Variants in TRPM3 observed in about 807,000 individuals in gnomAD.
TRPM3 encodes the protein long transient receptor potential channel 3.
Under a neutral mutation model 181.2 loss-of-function variants are expected in TRPM3, and 77 were observed. That is an observed-to-expected ratio of 0.42 (90% CI 0.35 to 0.51). The LOEUF is 0.51. TRPM3 is among the 20% of genes least tolerant of loss of function. The pLI is 0.01. For synonymous variants in TRPM3, 745 were observed against 796.4 expected, an observed-to-expected ratio of 0.94 and a Z score of 1.09; for missense variants, 1,759 against 2,196.7, an observed-to-expected ratio of 0.80 and a Z score of 3.98.
At chr9:71,334,302 C>A (rs2090413348) in intron 1 of TRPM3, among the ~76,000 whole-genome samples, 1 of 151,646 alleles carries the variant, frequency 6.6e-6, no homozygotes, top group African/African-American at 2.4e-5. Flanking sequence ...AATAAGCAAG[C>A]AGCAGAGGAA....
At chr9:71,073,010 TC>T (rs2062978721) in intron 1 of TRPM3, among the ~76,000 whole-genome samples, 1 of 152,174 alleles carries the variant, frequency 6.6e-6, no homozygotes, top group African/African-American at 2.4e-5. Flanking sequence ...GGAGCCATCT[TC>T]CCCGGCCCCT....
intron 9 of TRPM3, among the ~76,000 whole-genome samples, chr9:70,670,289 T>TC (rs1590068205): frequency 1.3e-5 from 2 of 152,320 alleles, no homozygotes; most frequent in East Asian, 3.9e-4. Flanking sequence ...TGGTAACCAT[T>TC]CCGCAGGGTT....
At chr9:70,764,399 C>G (rs1046231303) in intron 7 of TRPM3, among the ~76,000 whole-genome samples, 1 of 152,278 alleles carries the variant, frequency 6.6e-6, no homozygotes, top group South Asian at 2.1e-4. Flanking sequence ...TTGATAACAA[C>G]TCAAAATTTG....
At chr9:71,286,962 TA>T (rs1320129511) in intron 1 of TRPM3, among the ~76,000 whole-genome samples, 6 of 90,254 alleles carry the variant, frequency 6.6e-5, no homozygotes, top group Non-Finnish European at 1.5e-4. Flanking sequence ...TTATATAAAT[TA>T]TATATAATAT....
At chr9:70,591,335 G>T in intron 21 of TRPM3, 130 bp from the exon 22 acceptor site, 1 of 717,736 alleles carries the variant, frequency 1.4e-6, no homozygotes, top group Non-Finnish European at 2.4e-6. Context: ...GGGATGTTTA[G>T]ACAGGGAGTT....
intron 9 of TRPM3, among the ~76,000 whole-genome samples, chr9:70,642,980 G>A (rs4584205): frequency 0.87 from 133,061 of 152,120 alleles, 58,323 homozygotes; most frequent in Non-Finnish European, 0.91. Flanking sequence ...TGTTCCCTTC[G>A]TAGGTTGAAG....
chr9:71,440,984 G>A (rs1234561869), intron 1 of TRPM3, among the ~76,000 whole-genome samples: 2 of 151,798 alleles, frequency 1.3e-5, no homozygotes, highest in African/African-American at 4.8e-5. Flanking sequence ...AATATCTTTG[G>A]GAATAATGAA....
At chr9:70,783,158 G>A (rs760501232) in intron 7 of TRPM3, among the ~76,000 whole-genome samples, 8 of 152,086 alleles carry the variant, frequency 5.3e-5, no homozygotes, top group Non-Finnish European at 1.0e-4. Context: ...TTAATTGTAC[G>A]TTTTTCTTTT....
At chr9:70,566,838 A>G (rs1020337216) in intron 22 of TRPM3, among the ~76,000 whole-genome samples, 2 of 152,184 alleles carry the variant, frequency 1.3e-5, no homozygotes, top group Admixed American at 6.5e-5. Flanking sequence ...CGTGCCAGGG[A>G]GGGCTCAGGT....
chr9:70,937,272 T>G (rs2133491475), intron 1 of TRPM3, among the ~76,000 whole-genome samples: 1 of 152,304 alleles, frequency 6.6e-6, no homozygotes, highest in Middle Eastern at 3.4e-3. Context: ...CATTCTATTC[T>G]CTAGTTTCCC....
At chr9:71,266,556 G>A (rs2083406430) in intron 1 of TRPM3, among the ~76,000 whole-genome samples, 1 of 152,126 alleles carries the variant, frequency 6.6e-6, no homozygotes, top group Admixed American at 6.5e-5. Flanking sequence ...AAAATGAGCA[G>A]AGGCATAAAT....
At chr9:71,100,180 A>C (rs1008548555) in intron 1 of TRPM3, among the ~76,000 whole-genome samples, 6 of 152,174 alleles carry the variant, frequency 3.9e-5, no homozygotes, top group Admixed American at 2.6e-4. Context: ...TCCATTGATT[A>C]ACAAGTAATT....
At chr9:71,310,021 C>A (rs2087764941) in intron 1 of TRPM3, among the ~76,000 whole-genome samples, 1 of 151,792 alleles carries the variant, frequency 6.6e-6, no homozygotes, top group Admixed American at 6.6e-5. Flanking sequence ...AGGCAGATAG[C>A]AAAAATCCTA....
chr9:71,199,332 C>A lies in TRPM3; in HGVS notation c.183+247321G>T, dbSNP rs1480757595. 4.6e-5 allele frequency among the ~76,000 whole-genome samples: 7 copies of A among 152,100 alleles called. No homozygotes were observed. The East Asian group carries it at 5.8e-4, about 13-fold the overall frequency. ...TCATCAAGGATATTGGTCTAAAATT[C>A]TCTTTTTTTGTTGTGTCTCTGCCTG... On this transcript the variant is annotated intron_variant, in intron 1 of 24. Coordinates refer to the TRPM3 transcript ENST00000357533.
At chr9:71,293,070 G>T (rs768224202) in intron 1 of TRPM3, among the ~76,000 whole-genome samples, 4 of 151,632 alleles carry the variant, frequency 2.6e-5, no homozygotes, top group Non-Finnish European at 5.9e-5. Flanking sequence ...CAATATATTT[G>T]GTAAAAAGTG....
intron 1 of TRPM3, among the ~76,000 whole-genome samples, chr9:71,306,168 G>A (rs1230105267): frequency 2.0e-5 from 3 of 152,058 alleles, no homozygotes; most frequent in Non-Finnish European, 2.9e-5. Flanking sequence ...CTATTATCAC[G>A]AACTTGTTTG....
intron 1 of TRPM3, among the ~76,000 whole-genome samples, chr9:71,257,144 C>A (rs1307920043): frequency 6.6e-6 from 1 of 152,078 alleles, no homozygotes; most frequent in Non-Finnish European, 1.5e-5. Flanking sequence ...AGTTATCCTT[C>A]TAAAGTAATG....
intron 1 of TRPM3, among the ~76,000 whole-genome samples, chr9:70,946,463 A>G (rs1013683477): frequency 2.0e-4 from 30 of 148,530 alleles, no homozygotes; most frequent in African/African-American, 7.3e-4. Flanking sequence ...AATAATAATA[A>G]CAGCAGCAAT....
At chr9:70,964,666 G>T (rs2097168825) in intron 1 of TRPM3, among the ~76,000 whole-genome samples, 1 of 152,076 alleles carries the variant, frequency 6.6e-6, no homozygotes, top group Non-Finnish European at 1.5e-5. Context: ...AGCCTTAGGT[G>T]TGACTCCTGT....
Sources: allele counts gnomAD v4.1 joint callset (sites outside exome capture counted in the v4.1 genomes callset), GRCh38; gene constraint gnomAD v4.1.1; transcripts MANE v1.5; gene names NCBI Gene and HGNC (gene_info 2026-07-23, HGNC 2026-07-21).